CDC42SE2: variants seen among roughly 807,000 people sequenced by gnomAD.
The protein encoded by CDC42SE2 is CDC42 small effector 2, also known as CDC42 small effector protein 2.
Under a neutral mutation model 11.5 loss-of-function variants are expected in CDC42SE2, and 3 were observed. The ratio of observed to expected loss-of-function variants is 0.26; its 90% CI spans 0.12 to 0.67. The LOEUF is 0.67. Ranked by LOEUF, CDC42SE2 falls within the 30% of genes least tolerant of loss-of-function variation. CDC42SE2 has a pLI of 0.80. For missense variants in CDC42SE2, 82 were observed against 106.8 expected, an observed-to-expected ratio of 0.77 and a Z score of 1.02; for synonymous variants, 33 against 34.8, an observed-to-expected ratio of 0.95 and a Z score of 0.18.
Position 131,393,008 on chromosome 5 carries a change from A to ATATT in CDC42SE2, c.*1919_*1922dup, listed in dbSNP as rs1200742079. 4.6e-5 allele frequency: 7 copies of ATATT among 152,350 alleles called. No individual in the cohort carries two copies. Among genetic ancestry groups the ATATT allele is most frequent in the Admixed American group, 6.5e-5 (1 of 15,280 alleles). The allele number at this position is 152,350 out of a possible 1,614,324, so 9.4% of individuals were successfully genotyped here. A position where few individuals can be genotyped will look rare whatever the true frequency, so the allele number is the denominator to read the frequency against. ...ATGTTTGTCCTTGCACGAATTTTGTATATTTCAAATATTTCTGTAAAGGTT... is the reference window on the plus strand; with the variant it reads ...ATGTTTGTCCTTGCACGAATTTTGTATATTTATTTCAAATATTTCTGTAAAGGTT... On this transcript the variant is annotated 3_prime_UTR_variant, in exon 5 of 5. Transcript: ENST00000505065.
At chr5:131,249,600 G>C (rs1308165417) in intron 1 of CDC42SE2, among the ~76,000 whole-genome samples, 1 of 152,136 alleles carries the variant, frequency 6.6e-6, no homozygotes, top group East Asian at 1.9e-4. Context: ...TCCTCCATTT[G>C]ATTTGATGAC....
chr5:131,235,323 C>T, the CDC42SE2 span, among the ~76,000 whole-genome samples: 1 of 149,608 alleles, frequency 6.7e-6, no homozygotes, highest in African/African-American at 2.5e-5. Flanking sequence ...TAGAGTCTCG[C>T]TCTGTAGCCA....
intron 2 of CDC42SE2, chr5:131,255,279 A>G (rs1756671137): frequency 6.6e-6 from 1 of 152,144 alleles, no homozygotes; most frequent in South Asian, 2.1e-4. Flanking sequence ...AAAATGTAAA[A>G]TATATCATTA....
At chr5:131,269,137 C>A (rs907482856) in intron 1 of CDC42SE2, among the ~76,000 whole-genome samples, 42 of 152,216 alleles carry the variant, frequency 2.8e-4, no homozygotes, top group African/African-American at 1.0e-3. Flanking sequence ...ATAATACTAA[C>A]AAATAATGAG....
At chr5:131,348,885 G>A (rs1758925473) in intron 2 of CDC42SE2, among the ~76,000 whole-genome samples, 1 of 152,122 alleles carries the variant, frequency 6.6e-6, no homozygotes, top group South Asian at 2.1e-4. Context: ...AACAAGAAAT[G>A]GGGAAAGGAT....
At chr5:131,365,154 G>A (rs1456981104) in intron 3 of CDC42SE2, among the ~76,000 whole-genome samples, 2 of 152,144 alleles carry the variant, frequency 1.3e-5, no homozygotes, top group South Asian at 2.1e-4. Flanking sequence ...GCTGGGCGTG[G>A]TGTCGCATGC....
At chr5:131,238,209 T>G in the CDC42SE2 span, among the ~76,000 whole-genome samples, 1 of 151,972 alleles carries the variant, frequency 6.6e-6, no homozygotes, top group African/African-American at 2.4e-5. Flanking sequence ...AAAACCTAGA[T>G]GACGGGGGCG....
chr5:131,244,604 G>T (rs1371986031), upstream of CDC42SE2, among the ~76,000 whole-genome samples: 1 of 152,102 alleles, frequency 6.6e-6, no homozygotes, highest in Non-Finnish European at 1.5e-5. Flanking sequence ...CCAGCTACTC[G>T]GGAGGTTGAG....
chr5:131,336,638 A>G (rs1378074294), intron 2 of CDC42SE2, among the ~76,000 whole-genome samples: 1 of 152,168 alleles, frequency 6.6e-6, no homozygotes, highest in African/African-American at 2.4e-5. Context: ...CTTTTCACAT[A>G]GTCCCATATT....
At chr5:131,256,519 T>C (rs1404020344) in intron 2 of CDC42SE2, among the ~76,000 whole-genome samples, 2 of 152,232 alleles carry the variant, frequency 1.3e-5, no homozygotes, top group Non-Finnish European at 2.9e-5. Flanking sequence ...CAGCACAGCA[T>C]GGCCAGGTTC....
intron 1 of CDC42SE2, among the ~76,000 whole-genome samples, chr5:131,254,541 C>T (rs1327239829): frequency 7.2e-6 from 1 of 139,340 alleles, no homozygotes; most frequent in Non-Finnish European, 1.5e-5. Context: ...GACTCCATCT[C>T]GAAAAAAAAA....
chr5:131,276,485 T>C (rs1757105245), intron 1 of CDC42SE2, among the ~76,000 whole-genome samples: 1 of 151,874 alleles, frequency 6.6e-6, no homozygotes, highest in South Asian at 2.1e-4. Context: ...GTTGTTAAAA[T>C]AGGTGGCTTA....
At chr5:131,284,968 A>G (rs1757311329) in intron 1 of CDC42SE2, among the ~76,000 whole-genome samples, 1 of 151,972 alleles carries the variant, frequency 6.6e-6, no homozygotes, top group Non-Finnish European at 1.5e-5. Flanking sequence ...TAGCCTGGAC[A>G]ACATAATGAG....
chr5:131,280,796 G>A (rs1461275276), intron 1 of CDC42SE2, among the ~76,000 whole-genome samples: 1 of 152,104 alleles, frequency 6.6e-6, no homozygotes, highest in Non-Finnish European at 1.5e-5. Context: ...AATTTTGGAA[G>A]AAAACTGTGT....
At chr5:131,257,846 C>T (rs1756690874) in intron 2 of CDC42SE2, among the ~76,000 whole-genome samples, 1 of 152,186 alleles carries the variant, frequency 6.6e-6, no homozygotes, top group Non-Finnish European at 1.5e-5. Context: ...TATTCCGTTT[C>T]TCCTCTTCCT....
intron 1 of CDC42SE2, among the ~76,000 whole-genome samples, chr5:131,290,011 T>G (rs1413962657): frequency 6.6e-6 from 1 of 152,026 alleles, no homozygotes; most frequent in Non-Finnish European, 1.5e-5. Context: ...CTTGGCTAAT[T>G]ATTTTATTTT....
intron 3 of CDC42SE2, among the ~76,000 whole-genome samples, chr5:131,376,950 A>G (rs74513107): frequency 6.6e-6 from 1 of 152,172 alleles, no homozygotes; most frequent in Non-Finnish European, 1.5e-5. Flanking sequence ...TGTGATGAAC[A>G]TATGTGTACA....
At chr5:131,242,025 A>G (rs1465089984), upstream of CDC42SE2, among the ~76,000 whole-genome samples, 1 of 152,236 alleles carries the variant, frequency 6.6e-6, no homozygotes, top group Non-Finnish European at 1.5e-5. Flanking sequence ...TGAATGAATA[A>G]TAGTATTGCT....
In CDC42SE2 at chr5:131,374,605, G is replaced by A. The variant is rs564978646; in HGVS notation, c.55-10938G>A. Among the ~76,000 whole-genome samples the A allele has an allele frequency of 3.4e-5, 5 of 149,122 alleles. No homozygotes were observed. The South Asian group carries it at 1.1e-3, about 32-fold the overall frequency. On this transcript the variant is annotated intron_variant, in intron 3 of 4. Coordinates refer to ENST00000505065, the MANE Select transcript of CDC42SE2 (RefSeq NM_001375635.1). Reference sequence around the variant, plus strand: ...GACAGAATTTTTTTTTTTAAGCTAAGCAAGCCAGAAGCAATTCCAGTGCAA... The same window carrying A: ...GACAGAATTTTTTTTTTTAAGCTAAACAAGCCAGAAGCAATTCCAGTGCAA...
Sources: gnomAD v4.1 joint callset for allele counts (sites outside exome capture counted in the v4.1 genomes callset) on GRCh38, gnomAD v4.1.1 for gene constraint, MANE v1.5 for transcripts, NCBI Gene and HGNC (gene_info 2026-07-23, HGNC 2026-07-21) for gene names.